CCSER1: variants seen among roughly 807,000 people sequenced by gnomAD.
CCSER1 encodes the protein serine-rich coiled-coil domain-containing protein 1.
In CCSER1, 41 loss-of-function variants were observed where a neutral mutation model predicts 82.0. The ratio of observed to expected loss-of-function variants is 0.50; its 90% confidence interval spans 0.39 to 0.65. CCSER1 has a LOEUF of 0.65. Ranked by LOEUF, CCSER1 falls within the 30% of genes least tolerant of loss-of-function variation. The pLI is 0.00. For missense variants in CCSER1, 1,119 were observed against 1,064.2 expected (o/e 1.05, Z -0.72); for synonymous variants, 414 against 383.9 (o/e 1.08, Z -0.92).
chr4:90,612,467 A>C (rs1311771094), intron 5 of CCSER1, among the ~76,000 whole-genome samples: 2 of 152,182 alleles, frequency 1.3e-5, no homozygotes, highest in Non-Finnish European at 2.9e-5. Flanking sequence ...TACCAATGAA[A>C]AGAAACTTAG....
chr4:90,308,848 C>T lies in CCSER1; in HGVS notation c.564C>T (p.His188=). 1 of 1,613,816 alleles carries T rather than the reference C, an allele frequency of 6.2e-7. No homozygotes were observed. ...TACTCCCTAAATCTTTTTCATCTCA[C>T]TATAAATTTTCTAAGCCAGTTCTAC... ...RKLLPKSFSS[H]YKFSKPVLQS... Residue 188 remains histidine (H), a synonymous_variant, in exon 2 of 11, where the codon CAC becomes CAT. Coordinates refer to ENST00000509176, the MANE Select transcript of CCSER1 (RefSeq NM_001145065.2).
rs76622919 is a variant in CCSER1 at position 90,334,041 on chromosome 4, C to T, written c.1509+20994C>T. Among the ~76,000 whole-genome samples the T allele has an allele frequency of 1.1e-4, 16 of 152,266 alleles. No individual in the cohort carries two copies. The East Asian group carries it at 1.9e-3, about 18-fold the overall frequency. ...GCCTTTTAGGTAATACTTCAGTATG[C>T]GATCACCTTCTTGGCCTTCTTTCTG... On this transcript the variant is annotated intron_variant, in intron 3 of 10. Coordinates refer to ENST00000509176, the MANE Select transcript of CCSER1 (RefSeq NM_001145065.2).
At chr4:90,707,878 C>T (rs1156579669) in intron 6 of CCSER1, among the ~76,000 whole-genome samples, 1 of 152,132 alleles carries the variant, frequency 6.6e-6, no homozygotes, top group Non-Finnish European at 1.5e-5. Context: ...CTGGAAGCAT[C>T]CTAGCACTCT....
At chr4:90,770,871 A>G (rs181277884) in intron 7 of CCSER1, among the ~76,000 whole-genome samples, 138 of 152,306 alleles carry the variant, frequency 9.1e-4, no homozygotes, top group Middle Eastern at 3.4e-3. Flanking sequence ...TTCTTGCTCA[A>G]TAGTTTACTA....
intron 5 of CCSER1, among the ~76,000 whole-genome samples, chr4:90,485,758 C>T (rs1156417822): frequency 6.6e-6 from 1 of 152,020 alleles, no homozygotes; most frequent in Non-Finnish European, 1.5e-5. Context: ...TCCATGTGTT[C>T]TTATCATTTA....
chr4:91,591,107 C>T (rs1345740122), intron 10 of CCSER1, among the ~76,000 whole-genome samples: 1 of 152,072 alleles, frequency 6.6e-6, no homozygotes. Flanking sequence ...GAGAGGTACC[C>T]TGGCTTCTGT....
chr4:91,368,989 T>A (rs1416387023), intron 10 of CCSER1, among the ~76,000 whole-genome samples: 1 of 152,204 alleles, frequency 6.6e-6, no homozygotes, highest in Non-Finnish European at 1.5e-5. Context: ...GTGGTAGATT[T>A]CTTTAGTTAT....
intron 8 of CCSER1, among the ~76,000 whole-genome samples, chr4:90,871,284 T>A (rs192451593): frequency 6.7e-4 from 102 of 151,246 alleles, no homozygotes; most frequent in African/African-American, 2.2e-3. Flanking sequence ...GTTCAAGTTT[T>A]AAAAAAAAAT....
chr4:90,892,259 A>AG (rs1723070196), intron 8 of CCSER1, among the ~76,000 whole-genome samples: 32 of 151,924 alleles, frequency 2.1e-4, no homozygotes, highest in Admixed American at 2.1e-3. Context: ...GTAGACCTTT[A>AG]ATTTTACATT....
chr4:90,912,867 C>A (rs1032718499), intron 8 of CCSER1, among the ~76,000 whole-genome samples: 1 of 151,976 alleles, frequency 6.6e-6, no homozygotes, highest in African/African-American at 2.4e-5. Flanking sequence ...CTGATTCGAT[C>A]AACTGGAAGA....
chr4:90,895,026 G>T (rs1409191433), intron 8 of CCSER1, among the ~76,000 whole-genome samples: 1 of 151,772 alleles, frequency 6.6e-6, no homozygotes, highest in Admixed American at 6.6e-5. Context: ...TGTATACTTT[G>T]TCCCTAGGTT....
intron 5 of CCSER1, among the ~76,000 whole-genome samples, chr4:90,544,769 A>G (rs1210257774): frequency 1.3e-5 from 2 of 152,086 alleles, no homozygotes; most frequent in Non-Finnish European, 2.9e-5. Context: ...AGGCACTCCC[A>G]TAAGTGCCTT....
intron 9 of CCSER1, among the ~76,000 whole-genome samples, chr4:91,028,710 A>AG (rs1350034484): frequency 7.8e-6 from 1 of 128,270 alleles, no homozygotes; most frequent in East Asian, 3.0e-4. Context: ...TCATGTGTCC[A>AG]GAAAAAAAAA....
intron 9 of CCSER1, among the ~76,000 whole-genome samples, chr4:90,940,222 T>A (rs1581156928): frequency 6.6e-6 from 1 of 152,062 alleles, no homozygotes; most frequent in African/African-American, 2.4e-5. Context: ...CCTAACTAGG[T>A]ACAATTTTAT....
chr4:90,456,902 G>T (rs1310107454), intron 4 of CCSER1, among the ~76,000 whole-genome samples: 2 of 152,326 alleles, frequency 1.3e-5, no homozygotes, highest in African/African-American at 4.8e-5. Flanking sequence ...TCTGTGGCTG[G>T]TGGTGCCTTT....
chr4:90,390,551 G>A (rs1448104900), intron 3 of CCSER1, among the ~76,000 whole-genome samples: 1 of 152,108 alleles, frequency 6.6e-6, no homozygotes, highest in Non-Finnish European at 1.5e-5. Context: ...TTGGTTTTCT[G>A]TTCCTGATTT....
intron 10 of CCSER1, among the ~76,000 whole-genome samples, chr4:91,467,841 G>A (rs59375349): frequency 0.012 from 1,884 of 152,270 alleles, 31 homozygotes; most frequent in Middle Eastern, 0.041. Flanking sequence ...TCATTAAAAA[G>A]TCAGGAAACA....
At chr4:90,360,691 C>A (rs1349892980) in intron 3 of CCSER1, among the ~76,000 whole-genome samples, 1 of 151,294 alleles carries the variant, frequency 6.6e-6, no homozygotes, top group South Asian at 2.1e-4. Flanking sequence ...GTTTAAGAGT[C>A]CATTCTGCAG....
chr4:90,411,106 A>G (rs1352379146), intron 4 of CCSER1, among the ~76,000 whole-genome samples: 1 of 152,202 alleles, frequency 6.6e-6, no homozygotes, highest in Non-Finnish European at 1.5e-5. Flanking sequence ...GACCAATAAT[A>G]GGCTCTGAAA....
Sources: gnomAD v4.1 joint callset for allele counts (sites outside exome capture counted in the v4.1 genomes callset) on GRCh38, gnomAD v4.1.1 for gene constraint, MANE v1.5 for transcripts, NCBI Gene and HGNC (gene_info 2026-07-23, HGNC 2026-07-21) for gene names.